SAMD12: variants seen among roughly 807,000 people sequenced by gnomAD.
SAMD12 encodes sterile alpha motif domain containing 12.
SAMD12 carries 9 observed loss-of-function variants against 15.0 expected under a neutral mutation model. That is an observed-to-expected ratio of 0.60 (90% CI 0.36 to 1.05). The LOEUF (loss-of-function observed/expected upper bound fraction) is 1.05. Ranked by LOEUF, SAMD12 falls within the 50% of genes least tolerant of loss-of-function variation. The pLI, the probability that SAMD12 is intolerant of heterozygous loss-of-function variation, is 0.01. For synonymous variants in SAMD12, 86 were observed against 90.1 expected (o/e 0.96, Z 0.25); for missense variants, 230 against 234.2 (o/e 0.98, Z 0.12).
intron 1 of SAMD12, among the ~76,000 whole-genome samples, chr8:118,613,475 G>A (rs1026902301): frequency 3.3e-5 from 5 of 152,256 alleles, no homozygotes; most frequent in Admixed American, 1.3e-4. Flanking sequence ...ATGTCAGCAG[G>A]ACAAAATATC....
At chr8:118,222,694 G>A (rs17432513) in intron 4 of SAMD12, among the ~76,000 whole-genome samples, 26,943 of 151,886 alleles carry the variant, frequency 0.18, 2,504 homozygotes, top group African/African-American at 0.2. Context: ...TAATAGAGAC[G>A]GGGTTTCACC....
intron 4 of SAMD12, among the ~76,000 whole-genome samples, chr8:118,293,490 A>G (rs892886667): frequency 1.3e-5 from 2 of 152,244 alleles, no homozygotes; most frequent in African/African-American, 4.8e-5. Flanking sequence ...AACATTGAAA[A>G]CAGAAACATA....
intron 2 of SAMD12, among the ~76,000 whole-genome samples, chr8:118,469,282 C>T (rs942690756): frequency 6.6e-6 from 1 of 150,396 alleles, no homozygotes; most frequent in Non-Finnish European, 1.5e-5. Context: ...GGATTTTCAG[C>T]AGAACTGTGA....
chr8:118,289,651 G>C (rs1447273087), intron 4 of SAMD12, among the ~76,000 whole-genome samples: 1 of 152,150 alleles, frequency 6.6e-6, no homozygotes, highest in Non-Finnish European at 1.5e-5. Context: ...ACCAGAATCA[G>C]GGCTGCTGAC....
At position 118,380,737 on chromosome 8, in the gene SAMD12, T is replaced by C. The variant is rs1563812380; in HGVS notation, c.323-1037A>G. Among the ~76,000 whole-genome samples, 5 of 152,218 alleles carry C rather than the reference T, an allele frequency of 3.3e-5. 1 individual carries two copies. Among genetic ancestry groups the C allele is most frequent in the Admixed American group, 2.6e-4 (4 of 15,280 alleles). On this transcript the variant is annotated intron_variant, in intron 3 of 3. Coordinates refer to ENST00000314727, the MANE Select transcript of SAMD12 (RefSeq NM_207506.3). ...AATGATGTCTTTAGGTATATTATCA[T>C]ATACATTTCACAAGGAGACAGGTGA...
the SAMD12 span, among the ~76,000 whole-genome samples, chr8:118,158,454 T>G: frequency 5.9e-5 from 9 of 152,210 alleles, no homozygotes; most frequent in African/African-American, 2.2e-4. Context: ...TCTCCCCTCT[T>G]TCTGAGTTGG....
At chr8:118,461,895 G>A (rs142443992) in intron 2 of SAMD12, among the ~76,000 whole-genome samples, 230 of 152,286 alleles carry the variant, frequency 1.5e-3, no homozygotes, top group Middle Eastern at 3.4e-3. Context: ...TTTATAATGT[G>A]CAATTCTACT....
At chr8:118,558,666 C>T (rs1047386556) in intron 2 of SAMD12, among the ~76,000 whole-genome samples, 1 of 152,200 alleles carries the variant, frequency 6.6e-6, no homozygotes, top group Non-Finnish European at 1.5e-5. Context: ...TCACGCCATT[C>T]TCCTGCCTCA....
chr8:118,618,055 T>C (rs892264403), intron 1 of SAMD12, among the ~76,000 whole-genome samples: 2 of 151,446 alleles, frequency 1.3e-5, no homozygotes, highest in Non-Finnish European at 2.9e-5. Flanking sequence ...AAAAAGGCAA[T>C]GTATGCCAGT....
rs188226665 is a variant in SAMD12 at position 118,560,400 on chromosome 8, G to A, written c.192+20315C>T. On this transcript the variant is annotated intron_variant, in intron 2 of 3. Coordinates refer to ENST00000314727, the MANE Select transcript of SAMD12 (RefSeq NM_207506.3). ...ATTATTACTAGCTGTCTGAGAGTAC[G>A]AATGACTTCCAAGAATACTTCTATA... Among the ~76,000 whole-genome samples, 12 of 152,280 alleles carry A rather than the reference G, an allele frequency of 7.9e-5. No homozygotes were observed. In the East Asian group the frequency reaches 1.5e-3, roughly 20 times the overall value.
At chr8:118,450,499 C>T (rs1173329740) in intron 2 of SAMD12, among the ~76,000 whole-genome samples, 7 of 152,146 alleles carry the variant, frequency 4.6e-5, no homozygotes, top group Admixed American at 3.9e-4. Flanking sequence ...GCCCTGAGCA[C>T]ATACCAAGGG....
At chr8:118,605,403 T>G (rs1827960872) in intron 1 of SAMD12, among the ~76,000 whole-genome samples, 1 of 152,208 alleles carries the variant, frequency 6.6e-6, no homozygotes, top group Admixed American at 6.5e-5. Flanking sequence ...CTTATGTTAC[T>G]CCAGGTACAG....
At chr8:118,200,422 A>AAT (rs1819683830) in intron 4 of SAMD12, among the ~76,000 whole-genome samples, 1 of 149,322 alleles carries the variant, frequency 6.7e-6, no homozygotes, top group Non-Finnish European at 1.5e-5. Flanking sequence ...AAAAAAAAAA[A>AAT]ATCAGAGGCT....
intron 2 of SAMD12, among the ~76,000 whole-genome samples, chr8:118,442,768 C>G (rs992699620): frequency 4.6e-5 from 7 of 152,172 alleles, no homozygotes; most frequent in Admixed American, 4.6e-4. Flanking sequence ...GAAACTCTTG[C>G]AAGTAAAGCT....
At chr8:118,567,183 A>C (rs1047891420) in intron 2 of SAMD12, among the ~76,000 whole-genome samples, 6 of 152,184 alleles carry the variant, frequency 3.9e-5, no homozygotes, top group African/African-American at 1.4e-4. Flanking sequence ...GACACTCACT[A>C]AAGCAGAGAG....
At chr8:118,610,532 G>A (rs1008612107) in intron 1 of SAMD12, among the ~76,000 whole-genome samples, 2 of 152,158 alleles carry the variant, frequency 1.3e-5, no homozygotes, top group African/African-American at 4.8e-5. Context: ...ATGATTAGGT[G>A]GGAGAAAAAC....
chr8:118,605,693 G>A lies in SAMD12; in HGVS notation c.13+16111C>T, dbSNP rs750882285. On this transcript the variant is annotated intron_variant, in intron 1 of 3. Coordinates refer to ENST00000314727, the MANE Select transcript of SAMD12 (RefSeq NM_207506.3). ...AGGAAATTGAGATAATAATCATCTCGTAGGATTATTGTGAGCAAGTAGGAT... is the reference window on the plus strand; with the variant it reads ...AGGAAATTGAGATAATAATCATCTCATAGGATTATTGTGAGCAAGTAGGAT... Among the ~76,000 whole-genome samples, 19 of 150,784 alleles carry A rather than the reference G, an allele frequency of 1.3e-4. 1 individual carries two copies. Among genetic ancestry groups the A allele is most frequent in the Non-Finnish European group, 1.5e-4 (10 of 67,810 alleles).
chr8:118,593,618 C>T (rs1827642842), intron 1 of SAMD12, among the ~76,000 whole-genome samples: 1 of 152,136 alleles, frequency 6.6e-6, no homozygotes, highest in Non-Finnish European at 1.5e-5. Context: ...TTTCGATTAT[C>T]ACATAAAGTC....
At chr8:118,565,462 G>C (rs1335216939) in intron 2 of SAMD12, among the ~76,000 whole-genome samples, 1 of 152,184 alleles carries the variant, frequency 6.6e-6, no homozygotes, top group Non-Finnish European at 1.5e-5. Context: ...CACCAGCAGG[G>C]GCAGGGAAAC....
Sources: gnomAD v4.1 joint callset for allele counts (sites outside exome capture counted in the v4.1 genomes callset) on GRCh38, gnomAD v4.1.1 for gene constraint, MANE v1.5 for transcripts, NCBI Gene and HGNC (gene_info 2026-07-23, HGNC 2026-07-21) for gene names.